Variants in ZNF385D observed in about 807,000 individuals in gnomAD.
ZNF385D encodes the protein zinc finger protein 385D.
ZNF385D carries 15 observed loss-of-function variants against 35.8 expected under a neutral mutation model. The ratio of observed to expected loss-of-function variants is 0.42; its 90% confidence interval spans 0.28 to 0.64. The LOEUF (loss-of-function observed/expected upper bound fraction) is 0.64. Among genes scored for constraint, ZNF385D ranks in the 30% least tolerant of loss-of-function variants. The probability of loss-of-function intolerance (pLI) is 0.23; values close to 1 mark genes in which losing one functional copy is unlikely to be tolerated. For missense variants in ZNF385D, 474 were observed against 494.6 expected (o/e 0.96, Z 0.39); for synonymous variants, 212 against 186.8 (o/e 1.13, Z -1.10).
At chr3:22,162,744 T>A (rs140666353) in intron 3 of ZNF385D, among the ~76,000 whole-genome samples, 6 of 152,222 alleles carry the variant, frequency 3.9e-5, no homozygotes, top group African/African-American at 7.2e-5. Context: ...GGCTTATGCA[T>A]GTTAATACAT....
At chr3:21,484,173 G>A (rs140573703) in intron 4 of ZNF385D, among the ~76,000 whole-genome samples, 19 of 152,274 alleles carry the variant, frequency 1.2e-4, no homozygotes, top group East Asian at 5.8e-4. Flanking sequence ...ACCCTTCCCA[G>A]GGCTGAGCTC....
intron 1 of ZNF385D, among the ~76,000 whole-genome samples, chr3:21,736,458 T>C (rs2069247239): frequency 6.6e-6 from 1 of 152,080 alleles, no homozygotes; most frequent in Non-Finnish European, 1.5e-5. Flanking sequence ...GCCCACCGAC[T>C]GTTTAAAGAA....
intron 2 of ZNF385D, among the ~76,000 whole-genome samples, chr3:22,232,598 C>G (rs1329766078): frequency 1.3e-5 from 2 of 152,124 alleles, no homozygotes; most frequent in Non-Finnish European, 2.9e-5. Flanking sequence ...ACCATGTGTT[C>G]TCATTGTTCA....
In ZNF385D at chr3:21,790,452, T is replaced by A. The variant is rs373381353; in HGVS notation, c.326-125424A>T. Among the ~76,000 whole-genome samples, 77 of 152,324 alleles carry A rather than the reference T, an allele frequency of 5.1e-4. 2 individuals carry two copies. The South Asian group carries it at 0.015, about 30-fold the overall frequency. On this transcript the variant is annotated intron_variant, in intron 3 of 5. Transcript: ENST00000494108. Reference sequence around the variant, plus strand: ...AGATTTGGGGTGATTGCTGTTTCTTTGTAATTTTTTTGAAGTTTAAATATT... The same window carrying A: ...AGATTTGGGGTGATTGCTGTTTCTTAGTAATTTTTTTGAAGTTTAAATATT...
intron 3 of ZNF385D, among the ~76,000 whole-genome samples, chr3:21,907,760 A>G (rs1357313011): frequency 2.0e-5 from 3 of 152,050 alleles, no homozygotes; most frequent in Non-Finnish European, 4.4e-5. Flanking sequence ...AAAATAGAAG[A>G]AAGGACAATT....
At chr3:22,049,105 T>C (rs1699186141) in intron 3 of ZNF385D, among the ~76,000 whole-genome samples, 2 of 151,942 alleles carry the variant, frequency 1.3e-5, no homozygotes, top group African/African-American at 4.8e-5. Context: ...GAGACCACCC[T>C]GACCAACATG....
chr3:22,112,263 G>T (rs2125647293), intron 3 of ZNF385D, among the ~76,000 whole-genome samples: 1 of 152,154 alleles, frequency 6.6e-6, no homozygotes, highest in East Asian at 1.9e-4. Flanking sequence ...ATTATAATGA[G>T]AATAATTTCT....
intron 3 of ZNF385D, among the ~76,000 whole-genome samples, chr3:22,063,960 C>T (rs918260685): frequency 6.6e-6 from 1 of 152,188 alleles, no homozygotes; most frequent in Non-Finnish European, 1.5e-5. Context: ...AGTTATTAAT[C>T]CTGAGAGCAT....
chr3:22,112,304 G>C (rs1702577077), intron 3 of ZNF385D, among the ~76,000 whole-genome samples: 1 of 151,986 alleles, frequency 6.6e-6, no homozygotes, highest in African/African-American at 2.4e-5. Flanking sequence ...TTAAAATAAT[G>C]AATAACCACA....
At chr3:22,119,979 A>G (rs970454484) in intron 3 of ZNF385D, among the ~76,000 whole-genome samples, 1 of 137,580 alleles carries the variant, frequency 7.3e-6, no homozygotes, top group Non-Finnish European at 1.5e-5. Flanking sequence ...AACATACTCA[A>G]TTTTTTTTCT....
At chr3:21,673,217 G>A (rs1431115630) in intron 1 of ZNF385D, among the ~76,000 whole-genome samples, 2 of 152,058 alleles carry the variant, frequency 1.3e-5, no homozygotes, top group African/African-American at 4.8e-5. Flanking sequence ...AGTCACATGT[G>A]ACTATTTTAA....
At chr3:22,275,661 A>G (rs981122970) in intron 2 of ZNF385D, among the ~76,000 whole-genome samples, 19 of 152,186 alleles carry the variant, frequency 1.2e-4, no homozygotes, top group African/African-American at 4.6e-4. Flanking sequence ...GCCAATAATC[A>G]TATTTTTATC....
intron 4 of ZNF385D, among the ~76,000 whole-genome samples, chr3:21,459,147 C>G (rs1439445948): frequency 6.6e-6 from 1 of 152,110 alleles, no homozygotes; most frequent in African/African-American, 2.4e-5. Context: ...AGACAGGAGA[C>G]AGCTGCTGTG....
At chr3:21,453,059 A>G (rs1429434352) in intron 4 of ZNF385D, among the ~76,000 whole-genome samples, 1 of 151,912 alleles carries the variant, frequency 6.6e-6, no homozygotes, top group Non-Finnish European at 1.5e-5. Flanking sequence ...TCTGGAAGGA[A>G]ACCCATACAT....
chr3:21,825,075 T>C (rs1162746887), intron 3 of ZNF385D, among the ~76,000 whole-genome samples: 1 of 152,214 alleles, frequency 6.6e-6, no homozygotes, highest in Non-Finnish European at 1.5e-5. Context: ...TTTGTAATTA[T>C]CAGTACCATA....
In ZNF385D at chr3:21,542,668, C is replaced by T. The variant is rs755506960; in HGVS notation, c.276+21906G>A. 3.9e-5 allele frequency: 6 copies of T among 152,262 alleles called. No individual in the cohort carries two copies. The East Asian group carries it at 1.2e-3, about 30-fold the overall frequency. 9.4% of individuals were successfully genotyped at this position (152,262 alleles called of 1,614,324 possible). ...AGCCAGGTGAGGGGGGTACCCTGGA[C>T]AAACTCTAATCAGCCTGCCCACTGA... On this transcript the variant is annotated intron_variant, in intron 3 of 7. Transcript: ENST00000281523.
At chr3:21,757,358 G>T (rs183389080) in intron 3 of ZNF385D, among the ~76,000 whole-genome samples, 262 of 152,148 alleles carry the variant, frequency 1.7e-3, no homozygotes, top group Non-Finnish European at 3.1e-3. Context: ...GGCCAGGCTG[G>T]TCTTGAATTC....
chr3:21,747,802 A>C (rs1445123875), intron 1 of ZNF385D, among the ~76,000 whole-genome samples: 2 of 152,184 alleles, frequency 1.3e-5, no homozygotes, highest in Non-Finnish European at 2.9e-5. Flanking sequence ...TCTCTTCCTT[A>C]ATCTAGGGAG....
rs1368504620 is a variant in ZNF385D, at chr3:22,048,806, A to C, written c.325+120011T>G. On this transcript the variant is annotated intron_variant, in intron 3 of 5. Transcript: ENST00000494108. ...AAATGTCATTGGAATTTTGATAGTG[A>C]TTGCATGGAATTAGTAGATCACTTT... 2.6e-5 allele frequency among the ~76,000 whole-genome samples: 4 copies of C among 152,146 alleles called. No homozygotes were observed. In the South Asian group the frequency reaches 6.2e-4, roughly 24 times the overall value.
Sources: gnomAD v4.1 joint callset for allele counts (sites outside exome capture counted in the v4.1 genomes callset) on GRCh38, gnomAD v4.1.1 for gene constraint, MANE v1.5 for transcripts, NCBI Gene and HGNC (gene_info 2026-07-23, HGNC 2026-07-21) for gene names.